SLC24A3: variants seen among roughly 807,000 people sequenced by gnomAD.
SLC24A3 encodes the protein solute carrier family 24 member 3.
Under a neutral mutation model 75.8 loss-of-function variants are expected in SLC24A3, and 28 were observed. The ratio of observed to expected loss-of-function variants is 0.37; its 90% CI spans 0.27 to 0.51. SLC24A3 has a LOEUF of 0.51. Ranked by LOEUF, SLC24A3 falls within the 20% of genes least tolerant of loss-of-function variation. The pLI is 0.94. For synonymous variants in SLC24A3, 372 were observed against 334.1 expected (o/e 1.11, Z -1.24); for missense variants, 663 against 847.8 (o/e 0.78, Z 2.71).
At position 19,720,949 on chromosome 20, in the gene SLC24A3, G is replaced by A; in HGVS notation, c.1786-42G>A. ...CCCTACCAACCCCCCAAAGGCTGCT[G>A]CCTCCTCCTGGTGCCCTCTGAACCT... On this transcript the variant is annotated intron_variant, in intron 16 of 16. Transcript: ENST00000328041. 3 of 1,607,958 alleles carry A rather than the reference G, an allele frequency of 1.9e-6. No homozygotes were observed. In the South Asian group the frequency reaches 3.3e-5, roughly 18 times the overall value.
At chr20:19,659,878 C>T (rs771822356) in intron 7 of SLC24A3, among the ~76,000 whole-genome samples, 81 of 152,136 alleles carry the variant, frequency 5.3e-4, no homozygotes, top group Non-Finnish European at 9.7e-4. Context: ...AGTTTTTAGG[C>T]AGAAGGGAAC....
At chr20:19,588,064 A>G (rs2031324037) in intron 6 of SLC24A3, among the ~76,000 whole-genome samples, 1 of 152,194 alleles carries the variant, frequency 6.6e-6, no homozygotes, top group African/African-American at 2.4e-5. Context: ...GGTCTTCTAA[A>G]TGTAAATCAA....
chr20:19,312,632 T>C (rs922361258), intron 2 of SLC24A3, among the ~76,000 whole-genome samples: 2 of 152,248 alleles, frequency 1.3e-5, no homozygotes, highest in African/African-American at 4.8e-5. Flanking sequence ...AGATACACTT[T>C]ACACTTTATT....
At chr20:19,568,370 G>A (rs2030996104) in intron 3 of SLC24A3, among the ~76,000 whole-genome samples, 1 of 152,174 alleles carries the variant, frequency 6.6e-6, no homozygotes, top group Admixed American at 6.5e-5. Context: ...ACTGTCCGTA[G>A]ACAGATAAAT....
chr20:19,291,865 G>A lies in SLC24A3; in HGVS notation c.271+10778G>A, dbSNP rs540925354. On this transcript the variant is annotated intron_variant, in intron 2 of 16. Transcript: ENST00000328041. Reference sequence around the variant, plus strand: ...AAGAAGCTGCAGACCCCTGGGACAGGCTCTGGAAGGAGCAGAGGACTGGGT... The same window carrying A: ...AAGAAGCTGCAGACCCCTGGGACAGACTCTGGAAGGAGCAGAGGACTGGGT... Among the ~76,000 whole-genome samples, 4 of 152,352 alleles carry A rather than the reference G, an allele frequency of 2.6e-5. No individual in the cohort carries two copies. The South Asian group carries it at 8.3e-4, about 32-fold the overall frequency.
chr20:19,336,391 TTTTA>T (rs1324967171), intron 2 of SLC24A3, among the ~76,000 whole-genome samples: 2 of 152,128 alleles, frequency 1.3e-5, no homozygotes, highest in East Asian at 1.9e-4. Context: ...CCTGGGCATT[TTTTA>T]TTTATTTATT....
intron 14 of SLC24A3, among the ~76,000 whole-genome samples, chr20:19,697,975 T>C (rs528768570): frequency 6.6e-6 from 1 of 152,300 alleles, no homozygotes; most frequent in African/African-American, 2.4e-5. Context: ...TCTAACTGGC[T>C]GATGGTTCTG....
At chr20:19,260,240 A>G (rs560183332) in intron 1 of SLC24A3, among the ~76,000 whole-genome samples, 1 of 152,342 alleles carries the variant, frequency 6.6e-6, no homozygotes, top group South Asian at 2.1e-4. Flanking sequence ...CAGAGATAAC[A>G]GGTAGCCTGC....
chr20:19,397,360 T>C (rs1219052048), intron 2 of SLC24A3, among the ~76,000 whole-genome samples: 4 of 152,232 alleles, frequency 2.6e-5, no homozygotes, highest in Non-Finnish European at 5.9e-5. Flanking sequence ...AATAATTTTT[T>C]TGAGATGGCG....
intron 3 of SLC24A3, among the ~76,000 whole-genome samples, chr20:19,530,525 C>A (rs755216126): frequency 6.6e-6 from 1 of 152,194 alleles, no homozygotes; most frequent in Non-Finnish European, 1.5e-5. Flanking sequence ...AGCTCTACGA[C>A]CTTCAATATG....
intron 2 of SLC24A3, among the ~76,000 whole-genome samples, chr20:19,417,156 G>GA (rs917010405): frequency 2.0e-5 from 3 of 151,908 alleles, no homozygotes; most frequent in African/African-American, 7.3e-5. Flanking sequence ...GACCAGTGAG[G>GA]AAAAAAATAG....
intron 2 of SLC24A3, among the ~76,000 whole-genome samples, chr20:19,360,960 GGGACTA>G (rs1454516358): frequency 1.3e-5 from 2 of 152,182 alleles, no homozygotes; most frequent in Middle Eastern, 3.4e-3. Flanking sequence ...CCGAGTAGCT[GGGACTA>G]CAGGTGCCCG....
At chr20:19,306,200 C>T (rs972463373) in intron 2 of SLC24A3, among the ~76,000 whole-genome samples, 1 of 152,070 alleles carries the variant, frequency 6.6e-6, no homozygotes, top group African/African-American at 2.4e-5. Context: ...GTCAGAATGG[C>T]TATTAATAAA....
chr20:19,377,353 A>T (rs768074870), intron 2 of SLC24A3, among the ~76,000 whole-genome samples: 6 of 152,164 alleles, frequency 3.9e-5, no homozygotes, highest in Non-Finnish European at 2.9e-5. Context: ...AATGGAATAG[A>T]GCACAGTAAT....
intron 2 of SLC24A3, among the ~76,000 whole-genome samples, chr20:19,346,051 G>T (rs1397075983): frequency 3.0e-5 from 2 of 66,532 alleles, no homozygotes; most frequent in African/African-American, 6.0e-5. Context: ...ATCAATCAAT[G>T]AATAAAGAAA....
chr20:19,238,110 C>T (rs1054842368), intron 1 of SLC24A3, among the ~76,000 whole-genome samples: 1 of 152,112 alleles, frequency 6.6e-6, no homozygotes, highest in Admixed American at 6.5e-5. Flanking sequence ...TAGACAGCAG[C>T]CGCCAAATTA....
At chr20:19,624,043 G>A (rs938153752) in intron 6 of SLC24A3, among the ~76,000 whole-genome samples, 1 of 152,172 alleles carries the variant, frequency 6.6e-6, no homozygotes, top group African/African-American at 2.4e-5. Context: ...TTTCTCAAAA[G>A]AGCCAAGGCC....
intron 6 of SLC24A3, among the ~76,000 whole-genome samples, chr20:19,642,146 T>C (rs964850927): frequency 8.5e-5 from 13 of 152,202 alleles, no homozygotes; most frequent in African/African-American, 3.1e-4. Flanking sequence ...TGTTGGCTCT[T>C]GCAGGGAGAG....
intron 2 of SLC24A3, among the ~76,000 whole-genome samples, chr20:19,397,647 CTTTTTT>C (rs3057518): frequency 0.021 from 2,507 of 117,168 alleles, 51 homozygotes; most frequent in African/African-American, 0.064. Context: ...TTTTTCTTTT[CTTTTTT>C]TTTTTTTTTT....
Sources: allele counts gnomAD v4.1 joint callset (sites outside exome capture counted in the v4.1 genomes callset), GRCh38; gene constraint gnomAD v4.1.1; transcripts MANE v1.5; gene names NCBI Gene and HGNC (gene_info 2026-07-23, HGNC 2026-07-21).